The following FANK1 variants were observed in gnomAD, a reference collection of about 807,000 sequenced individuals.
The protein encoded by FANK1 is fibronectin type 3 and ankyrin repeat domains protein 1.
FANK1 carries 44 observed loss-of-function variants against 45.3 expected under a neutral mutation model. The observed-to-expected ratio is 0.97, with a 90% CI of 0.76 to 1.25. FANK1 has a LOEUF of 1.25. Among genes scored for constraint, FANK1 ranks in the 50% most tolerant of loss-of-function variants. FANK1 has a pLI of 0.00. For synonymous variants in FANK1, 149 were observed against 152.5 expected (o/e 0.98, Z 0.17); for missense variants, 391 against 424.4 (o/e 0.92, Z 0.69).
At chr10:125,975,786 G>T (rs1950818961) in intron 1 of FANK1, among the ~76,000 whole-genome samples, 1 of 152,148 alleles carries the variant, frequency 6.6e-6, no homozygotes, top group Admixed American at 6.5e-5. Context: ...TTCAAGGTTA[G>T]TATTGATATG....
chr10:125,928,892 C>T lies in FANK1; in HGVS notation c.13+32237C>T, dbSNP rs539738265. 2.6e-5 allele frequency among the ~76,000 whole-genome samples: 4 copies of T among 152,298 alleles called. No individual in the cohort carries two copies. The South Asian group carries it at 8.3e-4, about 32-fold the overall frequency. On this transcript the variant is annotated intron_variant, in intron 1 of 10. Transcript: ENST00000368693. ...ATTTGGTCATATTCTACCCAGTATT[C>T]TCTGAATGATTATTTGAATAAAGAT...
chr10:125,910,802 A>T (rs1158982812), intron 1 of FANK1, among the ~76,000 whole-genome samples: 2 of 152,090 alleles, frequency 1.3e-5, no homozygotes, highest in African/African-American at 4.8e-5. Context: ...TGGGAGGCCG[A>T]GGTGGGCGGA....
In FANK1 at chr10:125,980,331, A is replaced by C. The variant is rs1309913171; in HGVS notation, c.184A>C (p.Ile62Leu). 1.2e-6 allele frequency: 2 copies of C among 1,613,530 alleles called. No homozygotes were observed. Among genetic ancestry groups the C allele is most frequent in the Non-Finnish European group, 1.7e-6 (2 of 1,179,906 alleles). The change falls in exon 2 of 11, where the codon ATT (isoleucine) becomes CTT (leucine). Residue 62 changes from isoleucine (I) to leucine (L), a missense_variant. Coordinates refer to ENST00000368693, the MANE Select transcript of FANK1 (RefSeq NM_145235.5). ...CCCCAAAATGCACACTTATGGTATC[A>C]TTTATACGTAGGTGCAGTGTTGAAT... ...EDPKMHTYGIIYTGYATKHVV... is the reference protein window; with the variant it reads ...EDPKMHTYGILYTGYATKHVV...
intron 1 of FANK1, among the ~76,000 whole-genome samples, chr10:125,929,309 A>G (rs1947593582): frequency 6.6e-6 from 1 of 152,174 alleles, no homozygotes; most frequent in Admixed American, 6.5e-5. Flanking sequence ...GAATAGGTGA[A>G]AAGTCTGTCT....
At chr10:125,908,364 A>G (rs1945713768) in intron 1 of FANK1, among the ~76,000 whole-genome samples, 1 of 152,242 alleles carries the variant, frequency 6.6e-6, no homozygotes, top group African/African-American at 2.4e-5. Context: ...AATGCCCATC[A>G]GTGAACGAAT....
intron 1 of FANK1, among the ~76,000 whole-genome samples, chr10:125,950,971 T>A (rs1949175372): frequency 6.6e-6 from 1 of 150,726 alleles, no homozygotes; most frequent in South Asian, 2.1e-4. Context: ...GAAATCATCA[T>A]TCTCAGTAAA....
intron 1 of FANK1, among the ~76,000 whole-genome samples, chr10:125,903,169 A>G (rs1165481545): frequency 6.6e-6 from 1 of 152,300 alleles, no homozygotes; most frequent in African/African-American, 2.4e-5. Context: ...TTACTTCTTG[A>G]TGGGAGAAGG....
At position 125,928,334 on chromosome 10, in the gene FANK1, G is replaced by C. The variant is rs185425657; in HGVS notation, c.13+31679G>C. ...TGCCATGGCATTTGTAAACTGTCGT[G>C]GTGCTAGTGGGAGTGTAGCAGTGGG... On this transcript the variant is annotated intron_variant, in intron 1 of 10. Coordinates refer to ENST00000368693, the MANE Select transcript of FANK1 (RefSeq NM_145235.5). 4.9e-3 allele frequency among the ~76,000 whole-genome samples: 736 copies of C among 150,032 alleles called. 1 individual carries two copies. The highest frequency in any genetic ancestry group is 0.018 in the African/African-American group (716 of 40,672).
At chr10:125,941,739 C>T (rs1948465330) in intron 1 of FANK1, among the ~76,000 whole-genome samples, 1 of 152,196 alleles carries the variant, frequency 6.6e-6, no homozygotes, top group Non-Finnish European at 1.5e-5. Context: ...CTACTCACAA[C>T]TTGATATATC....
At chr10:125,905,130 C>CCA (rs1945384479) in intron 1 of FANK1, among the ~76,000 whole-genome samples, 3 of 68,144 alleles carry the variant, frequency 4.4e-5, no homozygotes, top group African/African-American at 1.9e-4. Flanking sequence ...GACTCTGTCC[C>CCA]AAAAAAAAAA....
At chr10:125,970,091 C>A (rs528435992) in intron 1 of FANK1, among the ~76,000 whole-genome samples, 1 of 152,190 alleles carries the variant, frequency 6.6e-6, no homozygotes, top group East Asian at 1.9e-4. Flanking sequence ...CTTTTCTATT[C>A]GACAAAACCG....
intron 1 of FANK1, among the ~76,000 whole-genome samples, chr10:125,945,508 G>A (rs1018395875): frequency 2.0e-4 from 31 of 152,296 alleles, no homozygotes; most frequent in African/African-American, 6.7e-4. Context: ...CTGGAAAATC[G>A]GGTCACTCCC....
At chr10:125,927,424 G>T (rs1947429359) in intron 1 of FANK1, among the ~76,000 whole-genome samples, 1 of 152,150 alleles carries the variant, frequency 6.6e-6, no homozygotes, top group South Asian at 2.1e-4. Flanking sequence ...TGTTGCACAT[G>T]GCCGTGGTTT....
At chr10:125,970,643 TCTC>T (rs1950458554) in intron 1 of FANK1, among the ~76,000 whole-genome samples, 1 of 151,944 alleles carries the variant, frequency 6.6e-6, no homozygotes, top group African/African-American at 2.4e-5. Flanking sequence ...CGAAACCCCT[TCTC>T]CACCAAAAAA....
At chr10:125,980,646 G>T in intron 2 of FANK1, 1 of 300,394 alleles carries the variant, frequency 3.3e-6, no homozygotes, top group South Asian at 3.8e-5. Flanking sequence ...TTCCCATCAG[G>T]CTGTTGTGTT....
chr10:125,921,853 A>C (rs1234161329), intron 1 of FANK1, among the ~76,000 whole-genome samples: 7 of 152,158 alleles, frequency 4.6e-5, no homozygotes, highest in Admixed American at 3.9e-4. Context: ...TTCCTTTGTC[A>C]GTCTGCTAGA....
intron 1 of FANK1, among the ~76,000 whole-genome samples, chr10:125,945,227 C>T (rs1044571251): frequency 1.3e-5 from 2 of 152,118 alleles, no homozygotes; most frequent in East Asian, 1.9e-4. Flanking sequence ...TTAATAAGAA[C>T]AAAACAACTG....
chr10:125,988,474 T>A, intron 2 of FANK1, 77 bp from the exon 3 acceptor site: 12 of 1,547,458 alleles, frequency 7.8e-6, no homozygotes, highest in Non-Finnish European at 9.6e-6. Context: ...CACTTCCACC[T>A]GCTCTTCTGC....
chr10:125,995,563 G>A (rs924408886), intron 4 of FANK1, 65 bp downstream of exon 4: 57 of 1,443,776 alleles, frequency 3.9e-5, no homozygotes, highest in Admixed American at 1.4e-4. Context: ...AATACATGCA[G>A]TAGTTTCATT....
Sources: gnomAD v4.1 joint callset for allele counts (sites outside exome capture counted in the v4.1 genomes callset) on GRCh38, gnomAD v4.1.1 for gene constraint, MANE v1.5 for transcripts, NCBI Gene and HGNC (gene_info 2026-07-23, HGNC 2026-07-21) for gene names.